Variants in SEL1L2 observed in about 807,000 individuals in gnomAD.
The protein encoded by SEL1L2 is SEL1L2 adaptor subunit of SYVN1 ubiquitin ligase.
In SEL1L2, 89 loss-of-function variants were observed where a neutral mutation model predicts 98.8. The observed-to-expected ratio is 0.90, with a 90% CI of 0.76 to 1.07. The LOEUF is 1.07. Among genes scored for constraint, SEL1L2 ranks in the 50% least tolerant of loss-of-function variants. The pLI, the probability that SEL1L2 is intolerant of heterozygous loss-of-function variation, is 0.00. For missense variants in SEL1L2, 788 were observed against 812.0 expected (o/e 0.97, Z 0.36); for synonymous variants, 262 against 278.5 (o/e 0.94, Z 0.59).
At chr20:13,864,161 A>G (rs940405424) in intron 17 of SEL1L2, among the ~76,000 whole-genome samples, 2 of 152,094 alleles carry the variant, frequency 1.3e-5, no homozygotes, top group East Asian at 3.9e-4. Flanking sequence ...CCCACTCTAA[A>G]TAAGGTCTTC....
intron 2 of SEL1L2, among the ~76,000 whole-genome samples, chr20:13,936,437 A>T (rs972666488): frequency 6.6e-6 from 1 of 152,204 alleles, no homozygotes; most frequent in Non-Finnish European, 1.5e-5. Context: ...CACAAGATTT[A>T]CAACTTCCCC....
At chr20:13,878,320 T>TC (rs398035393) in intron 10 of SEL1L2, among the ~76,000 whole-genome samples, 11 of 151,298 alleles carry the variant, frequency 7.3e-5, no homozygotes, top group African/African-American at 2.2e-4. Flanking sequence ...TTTTTTTTTT[T>TC]CGAGACGGAG....
intron 2 of SEL1L2, among the ~76,000 whole-genome samples, chr20:13,938,439 T>C (rs1385343781): frequency 1.3e-5 from 2 of 152,232 alleles, no homozygotes; most frequent in East Asian, 3.8e-4. Context: ...GGCTAGACTT[T>C]GACTTAAGAG....
At chr20:13,973,982 T>C (rs147767705) in intron 1 of SEL1L2, among the ~76,000 whole-genome samples, 1 of 152,360 alleles carries the variant, frequency 6.6e-6, no homozygotes. Flanking sequence ...GAAGGGGTAG[T>C]GTGCCCTTAT....
At chr20:13,867,297 C>T (rs924955504) in intron 14 of SEL1L2, among the ~76,000 whole-genome samples, 9 of 152,252 alleles carry the variant, frequency 5.9e-5, no homozygotes, top group East Asian at 3.9e-4. Flanking sequence ...TCCAAGAAGC[C>T]GAACTCTCAC....
chr20:13,942,812 T>A (rs1168438056), intron 2 of SEL1L2, among the ~76,000 whole-genome samples: 3 of 152,216 alleles, frequency 2.0e-5, no homozygotes, highest in Non-Finnish European at 2.9e-5. Context: ...CTGGCAATTT[T>A]AAACTTTAAA....
At chr20:13,924,302 G>T (rs2048785972) in intron 3 of SEL1L2, among the ~76,000 whole-genome samples, 1 of 140,398 alleles carries the variant, frequency 7.1e-6, no homozygotes. Context: ...TTTTTTCTGG[G>T]CTGCATTCAG....
chr20:13,885,198 A>G, intron 10 of SEL1L2, 149 bp downstream of exon 10: 1 of 629,396 alleles, frequency 1.6e-6, no homozygotes. Flanking sequence ...TCTTCCTAAG[A>G]AGCTGGGAAG....
chr20:13,863,639 A>G (rs1990521787), intron 17 of SEL1L2, among the ~76,000 whole-genome samples: 1 of 152,318 alleles, frequency 6.6e-6, no homozygotes, highest in East Asian at 1.9e-4. Flanking sequence ...TATTTTTAGC[A>G]GCCTGACTTT....
At chr20:13,850,430 A>T (rs1334219654) in intron 18 of SEL1L2, 111 bp from the exon 19 acceptor site, 1 of 1,118,008 alleles carries the variant, frequency 8.9e-7, no homozygotes, top group Non-Finnish European at 1.3e-6. Flanking sequence ...AGATAGGGAG[A>T]TTATCATGGA....
At chr20:13,886,238 C>A in intron 9 of SEL1L2, 50 bp downstream of exon 9, 2 of 1,382,714 alleles carry the variant, frequency 1.4e-6, no homozygotes, top group Non-Finnish European at 2.0e-6. Context: ...AGAATTAAGC[C>A]CCTTGTAATT....
intron 2 of SEL1L2, among the ~76,000 whole-genome samples, chr20:13,943,046 A>C (rs1188358937): frequency 6.6e-6 from 1 of 152,210 alleles, no homozygotes; most frequent in Non-Finnish European, 1.5e-5. Flanking sequence ...AAGTGAAAAG[A>C]ATAATTATCC....
In SEL1L2 at chr20:13,859,254, A is replaced by C. The variant is rs1037053726; in HGVS notation, c.1818+8T>G. On this transcript the variant is annotated splice_region_variant and intron_variant, in intron 18 of 19. Transcript: ENST00000284951. ...TTACTAGGTTTGAATTATTACCAGCAAAATTACCTTTGTGATGCCTAAGCC... is the reference window on the plus strand; with the variant it reads ...TTACTAGGTTTGAATTATTACCAGCCAAATTACCTTTGTGATGCCTAAGCC... 1 of 1,613,374 alleles carries C rather than the reference A, an allele frequency of 6.2e-7. No homozygotes were observed. The highest frequency in any genetic ancestry group is 8.5e-7 in the Non-Finnish European group (1 of 1,179,532).
intron 1 of SEL1L2, among the ~76,000 whole-genome samples, chr20:13,963,964 T>C (rs773383215): frequency 5.9e-5 from 9 of 151,830 alleles, no homozygotes; most frequent in Admixed American, 4.6e-4. Flanking sequence ...CTCTGCCTCC[T>C]GGGTCCAAGC....
intron 1 of SEL1L2, among the ~76,000 whole-genome samples, chr20:13,970,837 A>G (rs1441426476): frequency 6.6e-6 from 1 of 151,474 alleles, no homozygotes; most frequent in Non-Finnish European, 1.5e-5. Flanking sequence ...CGTCTCAAAA[A>G]GAAAAATACT....
chr20:13,914,127 A>G (rs1321592860), intron 4 of SEL1L2, among the ~76,000 whole-genome samples, 183 bp from the exon 5 acceptor site: 1 of 152,218 alleles, frequency 6.6e-6, no homozygotes, highest in Non-Finnish European at 1.5e-5. Flanking sequence ...TAAGGCTATA[A>G]TTTCAAATAT....
chr20:13,872,902 G>C (rs1404556397), intron 12 of SEL1L2, among the ~76,000 whole-genome samples: 3 of 152,186 alleles, frequency 2.0e-5, no homozygotes, highest in Non-Finnish European at 2.9e-5. Context: ...CTGTGTGAAG[G>C]CAGCAGCAGC....
intron 2 of SEL1L2, among the ~76,000 whole-genome samples, chr20:13,947,890 G>C (rs2050091216): frequency 6.6e-6 from 1 of 152,248 alleles, no homozygotes; most frequent in African/African-American, 2.4e-5. Context: ...ACAGCAGCTG[G>C]TGTGCCTGGC....
chr20:13,933,791 T>G (rs759142408), intron 2 of SEL1L2, among the ~76,000 whole-genome samples: 3 of 152,142 alleles, frequency 2.0e-5, no homozygotes, highest in Non-Finnish European at 1.5e-5. Context: ...TGTTTTGTTT[T>G]GCTTTGTGTC....
Sources: allele counts gnomAD v4.1 joint callset (sites outside exome capture counted in the v4.1 genomes callset), GRCh38; gene constraint gnomAD v4.1.1; transcripts MANE v1.5; gene names NCBI Gene and HGNC (gene_info 2026-07-23, HGNC 2026-07-21).